The following PRDM5 variants were observed in gnomAD, a reference collection of about 807,000 sequenced individuals.
The protein encoded by PRDM5 is PR/SET domain 5.
A neutral mutation model predicts 81.2 loss-of-function variants in PRDM5; 56 were observed. The observed-to-expected ratio is 0.69, with a 90% confidence interval of 0.56 to 0.86. The LOEUF is 0.86. Among genes scored for constraint, PRDM5 ranks in the 40% least tolerant of loss-of-function variants. The pLI, the probability that PRDM5 is intolerant of heterozygous loss-of-function variation, is 0.00. For missense variants in PRDM5, 697 were observed against 770.1 expected (o/e 0.91, Z 1.12); for synonymous variants, 267 against 256.4 (o/e 1.04, Z -0.39).
chr4:120,738,247 G>A (rs1741403949), intron 14 of PRDM5, among the ~76,000 whole-genome samples: 1 of 152,122 alleles, frequency 6.6e-6, no homozygotes, highest in Non-Finnish European at 1.5e-5. Context: ...CCCCAAATAA[G>A]TATCATTCTG....
In PRDM5 at chr4:120,742,199, C is replaced by G. The variant is rs368648786; in HGVS notation, c.1623+12354G>C. 3.3e-5 allele frequency among the ~76,000 whole-genome samples: 5 copies of G among 152,294 alleles called. No individual in the cohort carries two copies. In the East Asian group the frequency reaches 9.7e-4, roughly 29 times the overall value. ...CACCTCACACTGCAGGGTACTCCAA[C>G]AGACCTGAAGCTGAGGGTCTTGTCT... On this transcript the variant is annotated intron_variant, in intron 14 of 15. Coordinates refer to ENST00000264808, the MANE Select transcript of PRDM5 (RefSeq NM_018699.4).
At chr4:120,857,283 G>A (rs142699601) in intron 2 of PRDM5, among the ~76,000 whole-genome samples, 176 of 152,210 alleles carry the variant, frequency 1.2e-3, no homozygotes, top group African/African-American at 4.2e-3. Flanking sequence ...ACTTGAACCC[G>A]GGAGGCAGAA....
chr4:120,893,106 A>C (rs1764237838), intron 2 of PRDM5, among the ~76,000 whole-genome samples: 1 of 152,186 alleles, frequency 6.6e-6, no homozygotes, highest in Non-Finnish European at 1.5e-5. Flanking sequence ...GCCCATGAAA[A>C]ACATCCTGAC....
chr4:120,757,626 AT>A (rs1226843827), intron 13 of PRDM5, among the ~76,000 whole-genome samples: 1 of 152,194 alleles, frequency 6.6e-6, no homozygotes, highest in African/African-American at 2.4e-5. Flanking sequence ...GTGGGCAGGC[AT>A]CATCCAATCC....
chr4:120,863,185 T>C (rs1413089708), intron 2 of PRDM5, among the ~76,000 whole-genome samples: 1 of 57,276 alleles, frequency 1.7e-5, no homozygotes, highest in Non-Finnish European at 3.9e-5. Flanking sequence ...AATATATATA[T>C]ATATATACAC....
At chr4:120,859,839 A>G (rs978287458) in intron 2 of PRDM5, among the ~76,000 whole-genome samples, 1 of 152,120 alleles carries the variant, frequency 6.6e-6, no homozygotes, top group Admixed American at 6.5e-5. Flanking sequence ...TTTCTCTTCC[A>G]CAAAACAAAT....
intron 14 of PRDM5, 132 bp downstream of exon 14, chr4:120,754,421 A>G: frequency 1.8e-6 from 1 of 555,828 alleles, no homozygotes; most frequent in East Asian, 3.1e-5. Flanking sequence ...TTATCCTGAA[A>G]TATCTGTCAT....
intron 13 of PRDM5, among the ~76,000 whole-genome samples, chr4:120,757,353 C>A (rs1744898590): frequency 6.6e-6 from 1 of 152,146 alleles, no homozygotes; most frequent in African/African-American, 2.4e-5. Flanking sequence ...TGCCATTGAA[C>A]CTTTGAAAAA....
chr4:120,703,152 T>C (rs1235813608), intron 15 of PRDM5, among the ~76,000 whole-genome samples: 2 of 152,194 alleles, frequency 1.3e-5, no homozygotes, highest in Non-Finnish European at 2.9e-5. Context: ...TGAATTGTAA[T>C]TGCATGTTAA....
chr4:120,687,767 T>A (rs974626449), downstream of PRDM5, among the ~76,000 whole-genome samples: 8 of 152,164 alleles, frequency 5.3e-5, no homozygotes, highest in Non-Finnish European at 1.0e-4. Flanking sequence ...TTAATGCCAC[T>A]ATTGTGAGAA....
intron 2 of PRDM5, chr4:120,896,991 G>GTTTTTTTT (rs796413674): frequency 1.4e-5 from 2 of 138,868 alleles, no homozygotes; most frequent in Non-Finnish European, 3.1e-5. Context: ...CCTTCCTATA[G>GTTTTTTTT]TTTTTTTTTT....
intron 15 of PRDM5, among the ~76,000 whole-genome samples, chr4:120,699,571 C>A (rs1046592867): frequency 6.6e-6 from 1 of 152,114 alleles, no homozygotes; most frequent in African/African-American, 2.4e-5. Flanking sequence ...TGTGATACTG[C>A]ACCTCATAAG....
chr4:120,831,506 G>C (rs1159539459), intron 3 of PRDM5, among the ~76,000 whole-genome samples: 1 of 152,084 alleles, frequency 6.6e-6, no homozygotes, highest in Non-Finnish European at 1.5e-5. Context: ...AATAAAGACA[G>C]CTGAGTAAGA....
intron 3 of PRDM5, among the ~76,000 whole-genome samples, chr4:120,839,839 C>A (rs534814939): frequency 3.9e-5 from 6 of 152,222 alleles, no homozygotes; most frequent in African/African-American, 2.4e-5. Context: ...CCAACCCCCC[C>A]ACACTCATTG....
chr4:120,868,300 G>C (rs952994512), intron 2 of PRDM5, among the ~76,000 whole-genome samples: 1 of 152,130 alleles, frequency 6.6e-6, no homozygotes, highest in African/African-American at 2.4e-5. Context: ...ATTTTCTGCA[G>C]GGTTTGGGAC....
At chr4:120,725,927 C>T (rs1469361768) in intron 14 of PRDM5, among the ~76,000 whole-genome samples, 3 of 152,026 alleles carry the variant, frequency 2.0e-5, no homozygotes, top group African/African-American at 7.2e-5. Flanking sequence ...TCTAAATAGT[C>T]ACAGTCTAGC....
intron 10 of PRDM5, among the ~76,000 whole-genome samples, chr4:120,794,991 C>T (rs1245865465): frequency 1.3e-5 from 2 of 152,134 alleles, no homozygotes; most frequent in Admixed American, 6.5e-5. Flanking sequence ...ACACAGCAGT[C>T]ATGGCCCAGA....
chr4:120,869,972 A>G (rs1761601763), intron 2 of PRDM5, among the ~76,000 whole-genome samples: 1 of 152,168 alleles, frequency 6.6e-6, no homozygotes, highest in Non-Finnish European at 1.5e-5. Context: ...GCACAGTTCA[A>G]AAAAGAACAA....
chr4:120,835,101 C>T (rs1292366901), intron 3 of PRDM5, among the ~76,000 whole-genome samples: 3 of 152,094 alleles, frequency 2.0e-5, no homozygotes, highest in Non-Finnish European at 4.4e-5. Context: ...CTTATGAGCT[C>T]TTAGGACTTG....
Sources: gnomAD v4.1 joint callset for allele counts (sites outside exome capture counted in the v4.1 genomes callset) on GRCh38, gnomAD v4.1.1 for gene constraint, MANE v1.5 for transcripts, NCBI Gene and HGNC (gene_info 2026-07-23, HGNC 2026-07-21) for gene names.